Variants in OR5J2 observed in about 807,000 individuals in gnomAD.
OR5J2 encodes olfactory receptor 5J2.
In OR5J2, 4 loss-of-function variants were observed where a neutral mutation model predicts 6.7. The ratio of observed to expected loss-of-function variants is 0.60; its 90% CI spans 0.29 to 1.37. OR5J2 has a LOEUF of 1.37. OR5J2 is among the 40% of genes most tolerant of loss of function. OR5J2 has a pLI of 0.09. For missense variants in OR5J2, 415 were observed against 366.4 expected (o/e 1.13, Z -1.08); for synonymous variants, 174 against 140.4 (o/e 1.24, Z -1.69).
Position 56,176,803 on chromosome 11 carries a change from A to C in OR5J2, c.186A>C (p.Leu62Phe). Reference protein sequence around the residue: ...TSKLHTPMYFLLSCLSFVDAC... With the variant: ...TSKLHTPMYFFLSCLSFVDAC... The stretch of plus-strand genomic sequence containing the variant: ...AACTCCACACACCCATGTACTTTTT[A>C]CTCAGCTGTCTTTCATTTGTGGATG... The change falls in exon 1 of 1, where the codon TTA (leucine) becomes TTC (phenylalanine). Residue 62 changes from leucine to phenylalanine, a missense_variant. Physicochemically the swap from Leu to Phe is conservative, Grantham distance 22. Coordinates refer to ENST00000312298, the MANE Select transcript of OR5J2 (RefSeq NM_001005492.1). 1 of 1,613,866 alleles carries C rather than the reference A, an allele frequency of 6.2e-7. No homozygotes were observed.
chr11:56,177,326 G>A lies in OR5J2; in HGVS notation c.709G>A (p.Ala237Thr). 1.2e-6 allele frequency: 2 copies of A among 1,613,946 alleles called. No homozygotes were observed. The highest frequency in any genetic ancestry group is 1.7e-6 in the Non-Finnish European group (2 of 1,179,886). Residue 237 changes from alanine (A) to threonine (T), a missense_variant, in exon 1 of 1, where the codon GCC becomes ACC. Ala to Thr is a moderately conservative substitution (Grantham distance 58). Transcript: ENST00000312298. Reference protein sequence around the residue: ...RIHSASGRQQAFSTCASHLTA... With the variant: ...RIHSASGRQQTFSTCASHLTA... ...CCACTCAGCATCAGGCAGACAGCAA[G>A]CCTTCTCCACCTGTGCCTCTCACCT...
Position 56,176,749 on chromosome 11 carries a change from C to T in OR5J2, c.132C>T (p.Gly44=), listed in dbSNP as rs765612426. 15 of 1,613,842 alleles carry T rather than the reference C, an allele frequency of 9.3e-6. No individual in the cohort carries two copies. Among genetic ancestry groups the T allele is most frequent in the African/African-American group, 1.3e-5 (1 of 74,910 alleles). The change falls in exon 1 of 1, where the codon GGC becomes GGT. Residue 44 remains glycine (G), a synonymous_variant. Coordinates refer to ENST00000312298, the MANE Select transcript of OR5J2 (RefSeq NM_001005492.1). ...CCATTACCTTGTTGAGGAATCTGGG[C>T]ATGATCCTCTTAATCCAAATCACCT... The part of the protein sequence containing the change: ...IYAITLLRNL[G]MILLIQITSK...
In OR5J2 at chr11:56,177,312, C is replaced by G. The variant is rs771204046; in HGVS notation, c.695C>G (p.Ser232Ter). The G allele has an allele frequency of 3.7e-6, 6 of 1,613,870 alleles. No homozygotes were observed. Among genetic ancestry groups the G allele is most frequent in the Non-Finnish European group, 5.1e-6 (6 of 1,179,790 alleles). ...AFASLRIHSA[S>*]GRQQAFSTCA... ...GCTAGCCTAAGGATCCACTCAGCATCAGGCAGACAGCAAGCCTTCTCCACC... is the reference window on the plus strand; with the variant it reads ...GCTAGCCTAAGGATCCACTCAGCATGAGGCAGACAGCAAGCCTTCTCCACC... The change falls in exon 1 of 1, where the codon TCA (serine) becomes TGA (stop). Residue 232 changes from serine (S) to a stop codon, truncating the protein, a stop_gained. Coordinates refer to ENST00000312298, the MANE Select transcript of OR5J2 (RefSeq NM_001005492.1). LOFTEE classifies it high-confidence loss of function.
chr11:56,176,939 AT>A lies in OR5J2; in HGVS notation c.323del (p.Ile108ThrfsTer10). On this transcript the variant is annotated frameshift_variant, in exon 1 of 1. Coordinates refer to ENST00000312298, the MANE Select transcript of OR5J2 (RefSeq NM_001005492.1). LOFTEE classifies it low-confidence loss of function (END_TRUNC). Reference sequence around the variant, plus strand: ...ACAGCATTTGTGTTTCGGAGTGTTCATCACCACAGAAGGCTTCTTACTGTCA... The same window carrying A: ...ACAGCATTTGTGTTTCGGAGTGTTCACACCACAGAAGGCTTCTTACTGTCA... Reference protein sequence around the residue: ...MVQHLCFGVFITTEGFLLSVM... With the variant: ...MVQHLCFGVFXTTEGFLLSVM... The A allele has an allele frequency of 6.2e-7, 1 of 1,614,132 alleles. No homozygotes were observed.
At position 56,177,192 on chromosome 11, in the gene OR5J2, C is replaced by G; in HGVS notation, c.575C>G (p.Thr192Ser). The G allele has an allele frequency of 3.1e-6, 5 of 1,613,652 alleles. No homozygotes were observed. The highest frequency in any genetic ancestry group is 4.2e-6 in the Non-Finnish European group (5 of 1,179,574). ...CTGCTAAAGCTGTCATGTTCTGACA[C>G]CTCCATGAATGAGTTGTTGCTGTTA... ...PSLLKLSCSD[T>S]SMNELLLLTF... is the part of the protein sequence containing the mutation. Residue 192 changes from threonine to serine, a missense_variant, in exon 1 of 1, where the codon ACC becomes AGC. By Grantham distance (58) the Thr-to-Ser change is moderately conservative. Transcript: ENST00000312298.
Position 56,177,414 on chromosome 11 carries a change from AT to A in OR5J2, c.801del (p.Phe267LeufsTer14). On this transcript the variant is annotated frameshift_variant, in exon 1 of 1. Transcript: ENST00000312298. LOFTEE classifies it high-confidence loss of function. ...AGCTACATTCAGCCAAGCTCCCAGT[AT>A]TTTGTGGAACAAGAGAAAGTGGTTT... ...IFSYIQPSSQ[Y>X]FVEQEKVVSM... 6.2e-7 allele frequency: 1 copy of A among 1,613,986 alleles called. No individual in the cohort carries two copies. The highest frequency in any genetic ancestry group is 1.1e-5 in the South Asian group (1 of 91,084).
At position 56,176,955 on chromosome 11, in the gene OR5J2, T is replaced by A. The variant is rs779523273; in HGVS notation, c.338T>A (p.Phe113Tyr). ...CFGVFITTEG[F>Y]LLSVMAYDRY... ...GGAGTGTTCATCACCACAGAAGGCT[T>A]CTTACTGTCAGTGATGGCCTATGAC... The change falls in exon 1 of 1, where the codon TTC becomes TAC. Residue 113 changes from phenylalanine to tyrosine, a missense_variant. Coordinates refer to ENST00000312298, the MANE Select transcript of OR5J2 (RefSeq NM_001005492.1). 30 of 1,613,948 alleles carry A rather than the reference T, an allele frequency of 1.9e-5. No homozygotes were observed. In the East Asian group the frequency reaches 6.7e-4, roughly 36 times the overall value.
rs756725969 is a variant in OR5J2 at position 56,176,672 on chromosome 11, G to GC, written c.55_56insC (p.Asp19AlafsTer4). On this transcript the variant is annotated frameshift_variant, in exon 1 of 1. Coordinates refer to ENST00000312298, the MANE Select transcript of OR5J2 (RefSeq NM_001005492.1). LOFTEE classifies it low-confidence loss of function (END_TRUNC). ...TGAGTTTATTCTTTTGGGATTGACAGATCATGCTGAACTAAAAGCTGTGCT... is the reference window on the plus strand; with the variant it reads ...TGAGTTTATTCTTTTGGGATTGACAGCATCATGCTGAACTAAAAGCTGTGCT... 6 of 1,613,670 alleles carry GC rather than the reference G, an allele frequency of 3.7e-6. No homozygotes were observed. The African/African-American group carries it at 6.7e-5, about 18-fold the overall frequency.
In OR5J2 at chr11:56,176,736, TG is replaced by T. The variant is rs1337893191; in HGVS notation, c.120del (p.Arg41GlyfsTer5). On this transcript the variant is annotated frameshift_variant, in exon 1 of 1. Transcript: ENST00000312298. LOFTEE classifies it low-confidence loss of function (END_TRUNC). ...CTGGTGATTTACGCCATTACCTTGT[TG>T]AGGAATCTGGGCATGATCCTCTTAA... ...VFLVIYAITL[L>X]RNLGMILLIQ... is the part of the protein sequence containing the mutation. 5.0e-6 allele frequency: 8 copies of T among 1,613,938 alleles called. No homozygotes were observed. In the African/African-American group the frequency reaches 9.3e-5, roughly 19 times the overall value.
chr11:56,176,841 CTGCAAT>C lies in OR5J2; in HGVS notation c.229_234del (p.Ile77_Ala78del), dbSNP rs1345444373. ...TCATTTGTGGATGCCTGCTATTCAT[CTGCAAT>C]TGCACCCAAAATGCTGGTGAACCTC... On this transcript the variant is annotated inframe_deletion, in exon 1 of 1. Coordinates refer to ENST00000312298, the MANE Select transcript of OR5J2 (RefSeq NM_001005492.1). 3 of 1,614,022 alleles carry C rather than the reference CTGCAAT, an allele frequency of 1.9e-6. No individual in the cohort carries two copies. Among genetic ancestry groups the C allele is most frequent in the Non-Finnish European group, 2.5e-6 (3 of 1,179,896 alleles).
Position 56,176,675 on chromosome 11 carries a change from C to A in OR5J2, c.58C>A (p.His20Asn). 2 of 1,613,744 alleles carry A rather than the reference C, an allele frequency of 1.2e-6. No homozygotes were observed. The highest frequency in any genetic ancestry group is 1.3e-5 in the African/African-American group (1 of 75,002). ...TEFILLGLTDHAELKAVLFVV... is the reference protein window; with the variant it reads ...TEFILLGLTDNAELKAVLFVV... Reference sequence around the variant, plus strand: ...GTTTATTCTTTTGGGATTGACAGATCATGCTGAACTAAAAGCTGTGCTTTT... The same window carrying A: ...GTTTATTCTTTTGGGATTGACAGATAATGCTGAACTAAAAGCTGTGCTTTT... The change falls in exon 1 of 1, where the codon CAT becomes AAT. Residue 20 changes from histidine to asparagine, a missense_variant. Physicochemically the swap from His to Asn is moderately conservative, Grantham distance 68. Coordinates refer to ENST00000312298, the MANE Select transcript of OR5J2 (RefSeq NM_001005492.1).
chr11:56,177,441 C>T lies in OR5J2; in HGVS notation c.824C>T (p.Ser275Phe). 1 of 1,613,852 alleles carries T rather than the reference C, an allele frequency of 6.2e-7. No individual in the cohort carries two copies. The highest frequency in any genetic ancestry group is 8.5e-7 in the Non-Finnish European group (1 of 1,179,840). The change falls in exon 1 of 1, where the codon TCT becomes TTT. Residue 275 changes from serine (S) to phenylalanine (F), a missense_variant. Transcript: ENST00000312298. ...QYFVEQEKVV[S>F]MFYTLGIPML... The stretch of plus-strand genomic sequence containing the variant: ...TTTGTGGAACAAGAGAAAGTGGTTT[C>T]TATGTTCTATACGCTAGGGATTCCC...
In OR5J2 at chr11:56,177,093, A is replaced by G; in HGVS notation, c.476A>G (p.His159Arg). The G allele has an allele frequency of 6.2e-7, 1 of 1,614,090 alleles. No homozygotes were observed. The highest frequency in any genetic ancestry group is 8.5e-7 in the Non-Finnish European group (1 of 1,180,000). Residue 159 changes from histidine (H) to arginine (R), a missense_variant, in exon 1 of 1, where the codon CAC becomes CGC. His to Arg is a conservative substitution (Grantham distance 29). Coordinates refer to ENST00000312298, the MANE Select transcript of OR5J2 (RefSeq NM_001005492.1). ...GGTGGAATAGTTAACACATTAATCCACACAATCAGCTTGAGGAGACTGTCC... is the reference window on the plus strand; with the variant it reads ...GGTGGAATAGTTAACACATTAATCCGCACAATCAGCTTGAGGAGACTGTCC... ...WIGGIVNTLI[H>R]TISLRRLSFC...
rs1427964172 is a variant in OR5J2 at position 56,176,921 on chromosome 11, TTG to T, written c.308_309del (p.Cys103PhefsTer18). ...ISFSACMVQH[L>X]CFGVFITTEG... ...TTTCTCTGCTTGCATGGTACAGCAT[TTG>T]TGTTTCGGAGTGTTCATCACCACAG... On this transcript the variant is annotated frameshift_variant, in exon 1 of 1. Coordinates refer to ENST00000312298, the MANE Select transcript of OR5J2 (RefSeq NM_001005492.1). LOFTEE classifies it low-confidence loss of function (END_TRUNC). 6.2e-7 allele frequency: 1 copy of T among 1,614,022 alleles called. No individual in the cohort carries two copies. The highest frequency in any genetic ancestry group is 8.5e-7 in the Non-Finnish European group (1 of 1,180,006).
In OR5J2 at chr11:56,177,490, T is replaced by C. The variant is rs750615086; in HGVS notation, c.873T>C (p.Ser291=). The part of the protein sequence containing the change: ...GIPMLNLLIH[S]LRNKDVKEAV... ...CCATGTTAAACCTGTTGATACACAGTTTGAGAAACAAGGACGTAAAGGAGG... is the reference window on the plus strand; with the variant it reads ...CCATGTTAAACCTGTTGATACACAGCTTGAGAAACAAGGACGTAAAGGAGG... The change falls in exon 1 of 1, where the codon AGT becomes AGC. Residue 291 remains serine, a synonymous_variant. Transcript: ENST00000312298. The C allele has an allele frequency of 6.2e-7, 1 of 1,612,410 alleles. No homozygotes were observed. The highest frequency in any genetic ancestry group is 1.1e-5 in the South Asian group (1 of 91,082).
chr11:56,177,271 C>T lies in OR5J2; in HGVS notation c.654C>T (p.Tyr218=). Residue 218 remains tyrosine (Y), a synonymous_variant, in exon 1 of 1, where the codon TAC becomes TAT. Transcript: ENST00000312298. ...MATFLTVIIS[Y]IFIAFASLRI... ...CCTTCTTGACTGTGATCATTTCCTA[C>T]ATCTTCATTGCTTTTGCTAGCCTAA... 4 of 1,614,084 alleles carry T rather than the reference C, an allele frequency of 2.5e-6. No homozygotes were observed. The highest frequency in any genetic ancestry group is 3.4e-6 in the Non-Finnish European group (4 of 1,179,994).
In OR5J2 at chr11:56,177,061, A is replaced by G. The variant is rs1240273800; in HGVS notation, c.444A>G (p.Ser148=). The part of the protein sequence containing the change: ...DRKCVELVTG[S]WIGGIVNTLI... ...AGTGTGTGGAGCTTGTCACAGGATC[A>G]TGGATAGGTGGAATAGTTAACACAT... is the stretch of plus-strand genomic sequence containing the variant. The change falls in exon 1 of 1, where the codon TCA becomes TCG. Residue 148 remains serine, a synonymous_variant. Coordinates refer to ENST00000312298, the MANE Select transcript of OR5J2 (RefSeq NM_001005492.1). 1 of 1,614,006 alleles carries G rather than the reference A, an allele frequency of 6.2e-7. No homozygotes were observed. The highest frequency in any genetic ancestry group is 1.3e-5 in the African/African-American group (1 of 74,922).
In OR5J2 at chr11:56,177,043, G is replaced by T. The variant is rs1211073664; in HGVS notation, c.426G>T (p.Val142=). ...TAGCCATGTCTGATAGAAAGTGTGT[G>T]GAGCTTGTCACAGGATCATGGATAG... ...YTVAMSDRKC[V]ELVTGSWIGG... The change falls in exon 1 of 1, where the codon GTG becomes GTT. Residue 142 remains valine (V), a synonymous_variant. Coordinates refer to ENST00000312298, the MANE Select transcript of OR5J2 (RefSeq NM_001005492.1). 1.2e-6 allele frequency: 2 copies of T among 1,614,010 alleles called. No homozygotes were observed. The highest frequency in any genetic ancestry group is 3.3e-5 in the Admixed American group (2 of 59,984).
chr11:56,177,075 T>G lies in OR5J2; in HGVS notation c.458T>G (p.Ile153Arg), dbSNP rs530410826. The change falls in exon 1 of 1, where the codon ATA becomes AGA. Residue 153 changes from isoleucine (I) to arginine (R), a missense_variant. Transcript: ENST00000312298. ...ELVTGSWIGG[I>R]VNTLIHTISL... ...GTCACAGGATCATGGATAGGTGGAA[T>G]AGTTAACACATTAATCCACACAATC... is the stretch of plus-strand genomic sequence containing the variant. 1 of 1,614,050 alleles carries G rather than the reference T, an allele frequency of 6.2e-7. No individual in the cohort carries two copies. Among genetic ancestry groups the G allele is most frequent in the African/African-American group, 1.3e-5 (1 of 75,022 alleles).
Sources: allele counts gnomAD v4.1 joint callset, GRCh38; gene constraint gnomAD v4.1.1; transcripts MANE v1.5; gene names NCBI Gene and HGNC (gene_info 2026-07-23, HGNC 2026-07-21).